Variants in COX5B observed in about 807,000 individuals in gnomAD.
COX5B encodes the protein cytochrome c oxidase subunit 5B, mitochondrial.
A neutral mutation model predicts 16.2 loss-of-function variants in COX5B; 8 were observed. The ratio of observed to expected loss-of-function variants is 0.49; its 90% CI spans 0.29 to 0.89. The LOEUF (loss-of-function observed/expected upper bound fraction) is 0.89, where lower values mean the gene tolerates loss of function less well. Among genes scored for constraint, COX5B ranks in the 40% least tolerant of loss-of-function variants. The probability of loss-of-function intolerance (pLI) is 0.08; values close to 1 mark genes in which losing one functional copy is unlikely to be tolerated. For synonymous variants in COX5B, 65 were observed against 67.6 expected (o/e 0.96, Z 0.19); for missense variants, 161 against 168.7 (o/e 0.95, Z 0.25).
intron 1 of COX5B, 108 bp from the exon 2 acceptor site, chr2:97,646,958 TA>T: frequency 8.8e-7 from 1 of 1,135,676 alleles, no homozygotes; most frequent in Non-Finnish European, 1.3e-6. Flanking sequence ...GTGAGCCCGC[TA>T]AAACTTATAC....
chr2:97,648,103 C>T lies in COX5B; in HGVS notation c.385C>T (p.His129Tyr), dbSNP rs1483921546. 1.2e-6 allele frequency: 2 copies of T among 1,602,458 alleles called. No homozygotes were observed. The highest frequency in any genetic ancestry group is 1.3e-5 in the African/African-American group (1 of 74,150). The change falls in exon 4 of 4, where the codon CAC (histidine) becomes TAC (tyrosine). Residue 129 changes from histidine (H) to tyrosine (Y), a missense_variant. Transcript: ENST00000258424. The stretch of plus-strand genomic sequence containing the variant: ...CAAGCTGGTGCCCCAGCAGCTGGCA[C>T]ACTGAGCACCTGCACTAAATTACTC... ...HYKLVPQQLA[H>Y]
chr2:97,647,005 T>C (rs1216549085), intron 1 of COX5B, 62 bp from the exon 2 acceptor site: 8 of 1,548,974 alleles, frequency 5.2e-6, no homozygotes, highest in South Asian at 2.2e-5. Context: ...TGATCATTTC[T>C]GTTTGTAGTT....
At chr2:97,646,369 C>A (rs376144262) in intron 1 of COX5B, 180 bp downstream of exon 1, 3 of 568,682 alleles carry the variant, frequency 5.3e-6, no homozygotes, top group South Asian at 4.2e-5. Context: ...CCTGCCGCTC[C>A]CCGAACTCAC....
At chr2:97,646,916 G>A (rs1674667603) in intron 1 of COX5B, 151 bp from the exon 2 acceptor site, 6 of 679,788 alleles carry the variant, frequency 8.8e-6, no homozygotes, top group African/African-American at 3.6e-5. Flanking sequence ...GGTTCTTAGG[G>A]GACCATGGAT....
chr2:97,647,621 C>T (rs1354836039), intron 3 of COX5B, among the ~76,000 whole-genome samples, 178 bp downstream of exon 3: 6 of 152,178 alleles, frequency 3.9e-5, no homozygotes, highest in Admixed American at 1.3e-4. Flanking sequence ...CGCAGCACAG[C>T]GGTAAGACTG....
At position 97,647,180 on chromosome 2, in the gene COX5B, T is replaced by A; in HGVS notation, c.177+40T>A. ...CCTTCTGTGTCTTCTGTGTAACTTA[T>A]GGCCTTGGATGTGTTCATAGTGGTC... On this transcript the variant is annotated intron_variant, in intron 2 of 3. Transcript: ENST00000258424. 1 of 1,599,206 alleles carries A rather than the reference T, an allele frequency of 6.3e-7. No homozygotes were observed.
At chr2:97,647,937 A>G (rs552483328) in intron 3 of COX5B, 59 bp from the exon 4 acceptor site, 3 of 1,442,286 alleles carry the variant, frequency 2.1e-6, no homozygotes, top group East Asian at 4.6e-5. Context: ...AAAGAAATTC[A>G]TGTTGAAAGT....
chr2:97,647,696 A>G (rs1674683695), intron 3 of COX5B, among the ~76,000 whole-genome samples: 1 of 152,210 alleles, frequency 6.6e-6, no homozygotes, highest in Non-Finnish European at 1.5e-5. Flanking sequence ...TACTGCTTCT[A>G]TGCCAGGCAT....
chr2:97,647,144 A>G lies in COX5B; in HGVS notation c.177+4A>G, dbSNP rs1461019789. Reference sequence around the variant, plus strand: ...GCTGGCTGCAAAGAAGGGACTGGTAAGGAGAAACTCCCTTCTGTGTCTTCT... The same window carrying G: ...GCTGGCTGCAAAGAAGGGACTGGTAGGGAGAAACTCCCTTCTGTGTCTTCT... On this transcript the variant is annotated splice_donor_region_variant and intron_variant, in intron 2 of 3. Transcript: ENST00000258424. The G allele has an allele frequency of 3.7e-6, 6 of 1,613,818 alleles. No individual in the cohort carries two copies. The East Asian group carries it at 1.1e-4, about 30-fold the overall frequency.
At chr2:97,647,539 G>C in intron 3 of COX5B, 96 bp downstream of exon 3, 1 of 1,077,978 alleles carries the variant, frequency 9.3e-7, no homozygotes, top group South Asian at 1.4e-5. Context: ...GTGCATGTTG[G>C]TAAGTTTGTC....
intron 1 of COX5B, chr2:97,646,752 G>T (rs1020692864): frequency 2.2e-5 from 6 of 272,966 alleles, no homozygotes; most frequent in Non-Finnish European, 3.6e-5. Flanking sequence ...GGAGGCTGAG[G>T]CAGGAGAATC....
At position 97,646,140 on chromosome 2, in the gene COX5B, G is replaced by C; in HGVS notation, c.54G>C (p.Arg18Ser). The part of the protein sequence containing the change: ...GAGTLAAQAL[R>S]ARGPSGAAAM... ...GAACGCTGGCCGCGCAGGCCCTGAGGGCTCGCGGCCCCAGTGGCGCGGCCG... is the reference window on the plus strand; with the variant it reads ...GAACGCTGGCCGCGCAGGCCCTGAGCGCTCGCGGCCCCAGTGGCGCGGCCG... Residue 18 changes from arginine to serine, a missense_variant, in exon 1 of 4, where the codon AGG becomes AGC. By Grantham distance (110) the Arg-to-Ser change is moderately radical. Coordinates refer to ENST00000258424, the MANE Select transcript of COX5B (RefSeq NM_001862.3). 1.9e-6 allele frequency: 3 copies of C among 1,557,142 alleles called. No homozygotes were observed. In the South Asian group the frequency reaches 3.5e-5, roughly 18 times the overall value.
At chr2:97,647,890 A>G (rs1674685806) in intron 3 of COX5B, 106 bp from the exon 4 acceptor site, 2 of 956,954 alleles carry the variant, frequency 2.1e-6, no homozygotes, top group African/African-American at 1.6e-5. Flanking sequence ...TAAGATATCA[A>G]CCATAGTCTT....
Position 97,648,176 on chromosome 2 carries a change from ATTGGCTCCTTCTCCCATAG to A in COX5B, c.*69_*87del. On this transcript the variant is annotated 3_prime_UTR_variant, in exon 4 of 4. Coordinates refer to ENST00000258424, the MANE Select transcript of COX5B (RefSeq NM_001862.3). ...CTTTCCAGTAAAGACTAGCCATTGC[ATTGGCTCCTTCTCCCATAG>A]ATGGCTGGTCTTATTTCTTACCCGT... 1 of 1,279,998 alleles carries A rather than the reference ATTGGCTCCTTCTCCCATAG, an allele frequency of 7.8e-7. No homozygotes were observed. The highest frequency in any genetic ancestry group is 1.1e-6 in the Non-Finnish European group (1 of 929,302). The allele number at this position is 1,279,998 out of a possible 1,614,324, so 79.3% of individuals were successfully genotyped here.
At position 97,647,332 on chromosome 2, in the gene COX5B, T is replaced by C. The variant is rs1341721987; in HGVS notation, c.178-12T>C. ...TTTTTTTGTTTTGTTTTGTTTTTTG[T>C]TTTTTCTTCAGGACCCATACAATGT... On this transcript the variant is annotated splice_polypyrimidine_tract_variant and intron_variant, in intron 2 of 3. Coordinates refer to ENST00000258424, the MANE Select transcript of COX5B (RefSeq NM_001862.3). 2 of 1,605,482 alleles carry C rather than the reference T, an allele frequency of 1.2e-6. No homozygotes were observed. Among genetic ancestry groups the C allele is most frequent in the East Asian group, 4.5e-5 (2 of 44,836 alleles).
rs1232657199 is a variant in COX5B at position 97,647,030 on chromosome 2, T to G, written c.104-37T>G. The G allele has an allele frequency of 1.9e-6, 3 of 1,598,720 alleles. No individual in the cohort carries two copies. The South Asian group carries it at 3.3e-5, about 18-fold the overall frequency. On this transcript the variant is annotated intron_variant, in intron 1 of 3. Transcript: ENST00000258424. ...TGTTTGTAGTTTTTCTATCAGTCAT[T>G]TCAGTCAGCGTCATAATTCACGTTA...
Position 97,646,092 on chromosome 2 carries a change from T to A in COX5B, c.6T>A (p.Ala2=), listed in dbSNP as rs1027651572. 1.9e-6 allele frequency: 3 copies of A among 1,555,524 alleles called. No individual in the cohort carries two copies. In the Admixed American group the frequency reaches 5.8e-5, roughly 30 times the overall value. Residue 2 remains alanine, a synonymous_variant, in exon 1 of 4, where the codon GCT becomes GCA. Transcript: ENST00000258424. M[A]SRLLRGAGTL... is the part of the protein sequence containing the mutation. ...TGCTGCTAGTCGCGGACGCAATGGC[T>A]TCAAGGTTACTTCGCGGAGCTGGAA...
Position 97,647,347 on chromosome 2 carries a change from CCATA to C in COX5B, c.184_187del (p.Tyr62MetfsTer17). On this transcript the variant is annotated frameshift_variant, in exon 3 of 4. Transcript: ENST00000258424. LOFTEE classifies it high-confidence loss of function. ...TTGTTTTTTGTTTTTTCTTCAGGACCCATACAATGTACTGGCCCCAAAGGGAGCT... is the reference window on the plus strand; with the variant it reads ...TTGTTTTTTGTTTTTTCTTCAGGACCCAATGTACTGGCCCCAAAGGGAGCT... 7 of 1,612,580 alleles carry C rather than the reference CCATA, an allele frequency of 4.3e-6. No homozygotes were observed. The highest frequency in any genetic ancestry group is 5.9e-6 in the Non-Finnish European group (7 of 1,179,458).
chr2:97,646,971 G>C (rs966489573), intron 1 of COX5B, 96 bp from the exon 2 acceptor site: 3 of 1,283,162 alleles, frequency 2.3e-6, no homozygotes, highest in Non-Finnish European at 3.3e-6. Context: ...AACTTATACA[G>C]AAGTTTCGGG....
Sources: allele counts gnomAD v4.1 joint callset (sites outside exome capture counted in the v4.1 genomes callset), GRCh38; gene constraint gnomAD v4.1.1; transcripts MANE v1.5; gene names NCBI Gene and HGNC (gene_info 2026-07-23, HGNC 2026-07-21).